MTUS2: variants seen among roughly 807,000 people sequenced by gnomAD.
The protein encoded by MTUS2 is microtubule associated scaffold protein 2, also known as microtubule-associated tumor suppressor candidate 2.
MTUS2 carries 40 observed loss-of-function variants against 114.1 expected under a neutral mutation model. The observed-to-expected ratio is 0.35, with a 90% CI of 0.27 to 0.46. The LOEUF is 0.46. Among genes scored for constraint, MTUS2 ranks in the 20% least tolerant of loss-of-function variants. The pLI, the probability that MTUS2 is intolerant of heterozygous loss-of-function variation, is 1.00. For missense variants in MTUS2, 1,679 were observed against 1,705.4 expected, an observed-to-expected ratio of 0.98 and a Z score of 0.27; for synonymous variants, 688 against 672.0, an observed-to-expected ratio of 1.02 and a Z score of -0.37.
At chr13:29,376,618 A>C (rs1871768861) in intron 8 of MTUS2, among the ~76,000 whole-genome samples, 1 of 152,200 alleles carries the variant, frequency 6.6e-6, no homozygotes, top group Admixed American at 6.5e-5. Context: ...TATTTCAATA[A>C]AAATATAAAT....
chr13:28,946,304 T>TGTGTGTGCGCGC (rs1179597309), intron 2 of MTUS2, among the ~76,000 whole-genome samples: 1 of 150,216 alleles, frequency 6.7e-6, no homozygotes, highest in African/African-American at 2.5e-5. Flanking sequence ...TGTGTGTGTG[T>TGTGTGTGCGCGC]GCGCGCGCAC....
At chr13:29,484,842 G>A (rs1243209092) in intron 10 of MTUS2, 2 of 152,372 alleles carry the variant, frequency 1.3e-5, no homozygotes, top group African/African-American at 4.8e-5. Flanking sequence ...ATGGCTAAAT[G>A]AAGTCAACCC....
chr13:28,997,399 A>G (rs960516192), intron 2 of MTUS2, among the ~76,000 whole-genome samples: 12 of 152,172 alleles, frequency 7.9e-5, no homozygotes, highest in African/African-American at 2.2e-4. Context: ...GTAGATGTCT[A>G]TTAGGTCTGC....
chr13:28,837,363 G>A (rs1416987495), intron 1 of MTUS2, among the ~76,000 whole-genome samples: 1 of 152,164 alleles, frequency 6.6e-6, no homozygotes, highest in Non-Finnish European at 1.5e-5. Flanking sequence ...GGGCCATTCG[G>A]TAACATCAGC....
At chr13:29,220,734 A>G (rs984499650) in intron 5 of MTUS2, among the ~76,000 whole-genome samples, 1 of 152,228 alleles carries the variant, frequency 6.6e-6, no homozygotes, top group African/African-American at 2.4e-5. Flanking sequence ...AATAACAATG[A>G]AAAAGTTTGA....
chr13:29,198,553 CT>C (rs1009276321), intron 5 of MTUS2, among the ~76,000 whole-genome samples: 3 of 151,876 alleles, frequency 2.0e-5, no homozygotes, highest in Non-Finnish European at 2.9e-5. Context: ...GCTATCTGGG[CT>C]TTTTTTTAGT....
rs1393944393 is a variant in MTUS2 at position 29,504,705 on chromosome 13, A to G, written c.*1499A>G. The G allele has an allele frequency of 4.3e-6, 1 of 233,198 alleles. No homozygotes were observed. Among genetic ancestry groups the G allele is most frequent in the Non-Finnish European group, 8.5e-6 (1 of 118,062 alleles). 14.4% of individuals were successfully genotyped at this position (233,198 alleles called of 1,614,324 possible). On this transcript the variant is annotated 3_prime_UTR_variant, in exon 16 of 16. Transcript: ENST00000612955. ...AAAGGAAGAAGTAGTTTTAACAGATATGGTGATGATGATGATGCCCTTGTT... is the reference window on the plus strand; with the variant it reads ...AAAGGAAGAAGTAGTTTTAACAGATGTGGTGATGATGATGATGCCCTTGTT...
At position 29,504,864 on chromosome 13, in the gene MTUS2, A is replaced by T. The variant is rs967289015; in HGVS notation, c.*1658A>T. 2 of 232,096 alleles carry T rather than the reference A, an allele frequency of 8.6e-6. No homozygotes were observed. Among genetic ancestry groups the T allele is most frequent in the Non-Finnish European group, 1.7e-5 (2 of 117,436 alleles). The allele number at this position is 232,096 out of a possible 1,614,324, so 14.4% of individuals were successfully genotyped here. A position where few individuals can be genotyped will look rare whatever the true frequency, so the allele number is the denominator to read the frequency against. On this transcript the variant is annotated 3_prime_UTR_variant, in exon 16 of 16. Coordinates refer to ENST00000612955, the MANE Select transcript of MTUS2 (RefSeq NM_001033602.4). ...GTCCTGCAGGGGCCGGAGCCATGGA[A>T]CGGGGAAGAAAACAGCCCGCGGACG...
intron 2 of MTUS2, among the ~76,000 whole-genome samples, chr13:28,979,092 A>G (rs1322380): frequency 0.62 from 94,279 of 152,040 alleles, 31,006 homozygotes; most frequent in African/African-American, 0.83. Context: ...AACATTTTAG[A>G]ATAACTACCA....
At chr13:29,457,536 G>A (rs3013639) in intron 9 of MTUS2, among the ~76,000 whole-genome samples, 78,997 of 151,692 alleles carry the variant, frequency 0.52, 22,617 homozygotes, top group African/African-American at 0.76. Flanking sequence ...GCATTTATCT[G>A]TTCTTCTGCT....
In MTUS2 at chr13:29,026,392, C is replaced by CG. The variant is rs1886549169; in HGVS notation, c.1698dup (p.Ser567ValfsTer10). ...GATGTTAGCGTGTTCGGTATGGATG[C>CG]GGGGTCCCCCTTGGTAGTTCCACCC... On this transcript the variant is annotated frameshift_variant, in exon 3 of 16. Transcript: ENST00000612955. LOFTEE classifies it high-confidence loss of function. 1 of 1,613,704 alleles carries CG rather than the reference C, an allele frequency of 6.2e-7. No homozygotes were observed. The highest frequency in any genetic ancestry group is 1.7e-5 in the Admixed American group (1 of 59,998).
chr13:28,825,524 C>T (rs1874207681), intron 1 of MTUS2, among the ~76,000 whole-genome samples: 1 of 152,100 alleles, frequency 6.6e-6, no homozygotes, highest in African/African-American at 2.4e-5. Flanking sequence ...CAGTCATTGA[C>T]CGAGGCTCCT....
intron 5 of MTUS2, among the ~76,000 whole-genome samples, chr13:29,265,513 G>C (rs192006729): frequency 6.6e-6 from 1 of 152,066 alleles, no homozygotes; most frequent in Non-Finnish European, 1.5e-5. Context: ...CCAGTTTTCC[G>C]TGTTAGATTA....
At chr13:29,397,350 G>A (rs1015149010) in intron 8 of MTUS2, among the ~76,000 whole-genome samples, 1 of 152,146 alleles carries the variant, frequency 6.6e-6, no homozygotes. Context: ...ATGCTTCAAT[G>A]TGTACAGACC....
At chr13:29,111,254 T>G (rs1348928711) in intron 5 of MTUS2, among the ~76,000 whole-genome samples, 2 of 152,250 alleles carry the variant, frequency 1.3e-5, no homozygotes, top group Non-Finnish European at 1.5e-5. Flanking sequence ...GGCCAGACTT[T>G]ACTTCTGTTA....
intron 5 of MTUS2, among the ~76,000 whole-genome samples, chr13:29,185,962 T>C (rs928617140): frequency 2.0e-5 from 3 of 152,078 alleles, no homozygotes; most frequent in African/African-American, 7.2e-5. Context: ...ATCCCAGAAC[T>C]TTGGGAGGCT....
chr13:29,495,197 A>T (rs1384325351), intron 12 of MTUS2, among the ~76,000 whole-genome samples: 1 of 148,432 alleles, frequency 6.7e-6, no homozygotes, highest in Non-Finnish European at 1.5e-5. Context: ...AAAAAAAAAA[A>T]AAAAAAAAAC....
chr13:29,013,939 T>C (rs918201478), intron 2 of MTUS2, among the ~76,000 whole-genome samples: 5 of 152,282 alleles, frequency 3.3e-5, no homozygotes, highest in African/African-American at 1.2e-4. Flanking sequence ...GTCTAGCTTT[T>C]ATTAGTGATT....
chr13:29,085,794 G>C (rs1889666810), intron 4 of MTUS2, among the ~76,000 whole-genome samples: 1 of 152,052 alleles, frequency 6.6e-6, no homozygotes, highest in Non-Finnish European at 1.5e-5. Context: ...TTTTCCTTTG[G>C]CTGTATACCC....
Sources: gnomAD v4.1 joint callset for allele counts (sites outside exome capture counted in the v4.1 genomes callset) on GRCh38, gnomAD v4.1.1 for gene constraint, MANE v1.5 for transcripts, NCBI Gene and HGNC (gene_info 2026-07-23, HGNC 2026-07-21) for gene names.